The following ASIC2 variants were observed in gnomAD, a reference collection of about 807,000 sequenced individuals.
ASIC2 encodes the protein acid sensing ion channel subunit 2.
A neutral mutation model predicts 57.3 loss-of-function variants in ASIC2; 25 were observed. The observed-to-expected ratio is 0.44, with a 90% confidence interval of 0.32 to 0.61. The LOEUF (loss-of-function observed/expected upper bound fraction) is 0.61. Ranked by LOEUF, ASIC2 falls within the 20% of genes least tolerant of loss-of-function variation. The probability of loss-of-function intolerance (pLI) is 0.06; values close to 1 mark genes in which losing one functional copy is unlikely to be tolerated. For synonymous variants in ASIC2, 319 were observed against 307.5 expected, an observed-to-expected ratio of 1.04 and a Z score of -0.39; for missense variants, 641 against 738.1, an observed-to-expected ratio of 0.87 and a Z score of 1.52.
Position 34,039,503 on chromosome 17 carries a change from C to T in ASIC2, c.555+116475G>A, listed in dbSNP as rs751156050. 7 of 1,613,742 alleles carry T rather than the reference C, an allele frequency of 4.3e-6. No homozygotes were observed. In the East Asian group the frequency reaches 1.3e-4, roughly 31 times the overall value. ...TCTAAACCATAGAGGGGCTGTTCTA[C>T]TCGTCGCGGTAAGGGATTGGATAAG... On this transcript the variant is annotated intron_variant, in intron 1 of 9. Coordinates refer to the ASIC2 transcript ENST00000359872.
chr17:33,496,603 G>GTTTTTTTTTTTTTTT (rs61267122), intron 1 of ASIC2, among the ~76,000 whole-genome samples: 1 of 70,996 alleles, frequency 1.4e-5, no homozygotes, highest in African/African-American at 6.3e-5. Flanking sequence ...GTTATTGTAG[G>GTTTTTTTTTTTTTTT]TTTTTTTTTT....
intron 1 of ASIC2, among the ~76,000 whole-genome samples, chr17:33,925,481 T>C (rs1367959060): frequency 1.3e-5 from 2 of 152,204 alleles, no homozygotes; most frequent in Admixed American, 1.3e-4. Context: ...ATTAGACCTC[T>C]CAGGGGAGTG....
chr17:33,724,734 T>G (rs531544570), intron 1 of ASIC2, among the ~76,000 whole-genome samples: 12 of 152,114 alleles, frequency 7.9e-5, no homozygotes, highest in African/African-American at 2.9e-4. Context: ...ACAGGTAAGT[T>G]TGATGCCCAT....
At chr17:34,148,077 C>T (rs557908935) in intron 1 of ASIC2, among the ~76,000 whole-genome samples, 28 of 152,246 alleles carry the variant, frequency 1.8e-4, no homozygotes, top group African/African-American at 6.5e-4. Flanking sequence ...AAGAGAACTA[C>T]AATACAGAGG....
intron 1 of ASIC2, among the ~76,000 whole-genome samples, chr17:33,878,103 T>A (rs904218993): frequency 1.3e-5 from 2 of 152,066 alleles, no homozygotes; most frequent in Non-Finnish European, 2.9e-5. Context: ...CAAAACCCCA[T>A]CTGTACGTCA....
intron 1 of ASIC2, among the ~76,000 whole-genome samples, chr17:34,117,818 T>C (rs1475357763): frequency 6.6e-6 from 1 of 152,270 alleles, no homozygotes; most frequent in East Asian, 1.9e-4. Context: ...ATGTCATCAT[T>C]AACCAAGATT....
intron 1 of ASIC2, among the ~76,000 whole-genome samples, chr17:33,387,283 A>G (rs538080976): frequency 6.6e-6 from 1 of 152,344 alleles, no homozygotes; most frequent in South Asian, 2.1e-4. Flanking sequence ...GAGGCTCAGA[A>G]AGATTAAGGA....
At chr17:33,495,167 CT>C (rs1273118038) in intron 1 of ASIC2, among the ~76,000 whole-genome samples, 5 of 152,194 alleles carry the variant, frequency 3.3e-5, no homozygotes, top group African/African-American at 1.2e-4. Context: ...AGTTCTGCCC[CT>C]GAGAGTGAGT....
At chr17:33,267,193 C>G (rs1357074835) in intron 1 of ASIC2, among the ~76,000 whole-genome samples, 1 of 152,124 alleles carries the variant, frequency 6.6e-6, no homozygotes, top group Non-Finnish European at 1.5e-5. Flanking sequence ...CACATGCCCA[C>G]ATAAACACAC....
intron 1 of ASIC2, among the ~76,000 whole-genome samples, chr17:33,547,751 A>G (rs1017080433): frequency 2.2e-4 from 33 of 152,260 alleles, no homozygotes; most frequent in African/African-American, 7.7e-4. Context: ...TGCCCATGCT[A>G]CACCTGCATC....
intron 3 of ASIC2, 125 bp from the exon 4 acceptor site, chr17:33,028,517 A>C: frequency 8.3e-7 from 1 of 1,200,072 alleles, no homozygotes; most frequent in Non-Finnish European, 1.2e-6. Flanking sequence ...GACCTTCAAC[A>C]TCTGGCTCCA....
intron 1 of ASIC2, among the ~76,000 whole-genome samples, chr17:33,520,799 T>C (rs899406086): frequency 1.6e-4 from 24 of 152,056 alleles, no homozygotes; most frequent in African/African-American, 5.6e-4. Context: ...TAGCAGGGAG[T>C]TCTGTTTCTG....
chr17:33,170,766 A>T (rs1905484074), intron 1 of ASIC2, among the ~76,000 whole-genome samples: 1 of 152,232 alleles, frequency 6.6e-6, no homozygotes, highest in Admixed American at 6.5e-5. Context: ...CAGGTTGCCC[A>T]AGCCCTCATC....
intron 1 of ASIC2, among the ~76,000 whole-genome samples, chr17:33,673,895 G>GTTTTTTTTTT (rs1482900498): frequency 1.4e-5 from 2 of 144,708 alleles, no homozygotes; most frequent in African/African-American, 5.6e-5. Context: ...GTGCATCCGT[G>GTTTTTTTTTT]TCTTTTTTTT....
At position 33,332,557 on chromosome 17, in the gene ASIC2, T is replaced by A. The variant is rs559446690; in HGVS notation, c.556-220490A>T. Among the ~76,000 whole-genome samples the A allele has an allele frequency of 1.6e-4, 25 of 152,292 alleles. No homozygotes were observed. The South Asian group carries it at 3.1e-3, about 19-fold the overall frequency. On this transcript the variant is annotated intron_variant, in intron 1 of 9. Transcript: ENST00000359872. ...TGGTTATTGGATTGGACAAGGCTGC[T>A]TTAGATGACTATCTCTGGCTTTTGT...
At chr17:33,469,079 C>T (rs1462359950) in intron 1 of ASIC2, among the ~76,000 whole-genome samples, 1 of 152,318 alleles carries the variant, frequency 6.6e-6, no homozygotes, top group East Asian at 1.9e-4. Flanking sequence ...GCAAAGTTGG[C>T]AGGATGCTTT....
chr17:33,686,402 C>T lies in ASIC2; in HGVS notation c.555+469576G>A, dbSNP rs1277367610. ...CTCCCCCTGCTGGGGTGGAGTGGAACACCAACTAATCTCTTGTCCTGTTCA... is the reference window on the plus strand; with the variant it reads ...CTCCCCCTGCTGGGGTGGAGTGGAATACCAACTAATCTCTTGTCCTGTTCA... On this transcript the variant is annotated intron_variant, in intron 1 of 9. Transcript: ENST00000359872. Among the ~76,000 whole-genome samples the T allele has an allele frequency of 2.0e-5, 3 of 152,168 alleles. No individual in the cohort carries two copies. The South Asian group carries it at 6.2e-4, about 31-fold the overall frequency.
intron 2 of ASIC2, among the ~76,000 whole-genome samples, chr17:33,094,588 T>A (rs17183972): frequency 0.11 from 17,319 of 152,160 alleles, 1,081 homozygotes; most frequent in Non-Finnish European, 0.15. Flanking sequence ...ACTTAACTTC[T>A]GATAGACAGC....
At chr17:33,041,282 T>A (rs189146453) in intron 3 of ASIC2, among the ~76,000 whole-genome samples, 1 of 152,248 alleles carries the variant, frequency 6.6e-6, no homozygotes, top group Admixed American at 6.5e-5. Flanking sequence ...TAGACATGGA[T>A]GCACCTTGCA....
Sources: allele counts gnomAD v4.1 joint callset (sites outside exome capture counted in the v4.1 genomes callset), GRCh38; gene constraint gnomAD v4.1.1; transcripts MANE v1.5; gene names NCBI Gene and HGNC (gene_info 2026-07-23, HGNC 2026-07-21).